The following SHISA9 variants were observed in gnomAD, a reference collection of about 807,000 sequenced individuals.
SHISA9 encodes the protein protein shisa-9.
Under a neutral mutation model 38.0 loss-of-function variants are expected in SHISA9, and 13 were observed. The observed-to-expected ratio is 0.34, with a 90% CI of 0.22 to 0.54. The LOEUF (loss-of-function observed/expected upper bound fraction) is 0.54. SHISA9 is among the 20% of genes least tolerant of loss of function. SHISA9 has a pLI of 0.91. For synonymous variants in SHISA9, 275 were observed against 242.0 expected (o/e 1.14, Z -1.27); for missense variants, 538 against 575.8 (o/e 0.93, Z 0.67).
chr16:13,197,664 A>C (rs1261029809), intron 2 of SHISA9: 1 of 152,202 alleles, frequency 6.6e-6, no homozygotes, highest in Non-Finnish European at 1.5e-5. Flanking sequence ...GTCTGCATGG[A>C]AAAACAGCAT....
At chr16:13,533,636 T>A in the SHISA9 span, among the ~76,000 whole-genome samples, 1 of 151,900 alleles carries the variant, frequency 6.6e-6, no homozygotes, top group African/African-American at 2.4e-5. Flanking sequence ...GGACTGTCTA[T>A]CTAAAGCCAA....
intron 2 of SHISA9, among the ~76,000 whole-genome samples, chr16:13,157,140 T>TCCATCCATCATCCGTCCATCCCC: frequency 6.6e-6 from 1 of 152,126 alleles, no homozygotes; most frequent in African/African-American, 2.4e-5. Context: ...TGTTTATTCA[T>TCCATCCATCATCCGTCCATCCCC]CCATCCATCA....
At chr16:12,983,577 C>T (rs2072268871) in intron 2 of SHISA9, among the ~76,000 whole-genome samples, 1 of 152,190 alleles carries the variant, frequency 6.6e-6, no homozygotes, top group Admixed American at 6.5e-5. Context: ...CAAGCTCTGC[C>T]TCTCAGGTTC....
In SHISA9 at chr16:13,235,368, C is replaced by T; in HGVS notation, c.1234C>T (p.Pro412Ser). ...TRPQHYPPPQ[P>S]YFITNSKTEV... is the part of the protein sequence containing the mutation. ...CCCCCAGCACTACCCACCCCCACAG[C>T]CATACTTCATCACCAACAGCAAAAC... The change falls in exon 5 of 5, where the codon CCA becomes TCA. Residue 412 changes from proline to serine, a missense_variant. Physicochemically the swap from Pro to Ser is moderately conservative, Grantham distance 74 (BLOSUM62 -1). Around this residue, in one of 4 missense-constraint regions of SHISA9, gnomAD observed 326 missense variants for 305.9 expected, o/e 1.07. Transcript: ENST00000558583. The T allele has an allele frequency of 6.5e-7, 1 of 1,540,852 alleles. No homozygotes were observed. The highest frequency in any genetic ancestry group is 1.4e-5 in the African/African-American group (1 of 73,124).
chr16:13,424,700 C>A, the SHISA9 span, among the ~76,000 whole-genome samples: 1 of 152,144 alleles, frequency 6.6e-6, no homozygotes, highest in Admixed American at 6.5e-5. Flanking sequence ...AGCTATTTAA[C>A]TTTCACCTGT....
chr16:13,095,045 T>C (rs575522600), intron 2 of SHISA9, among the ~76,000 whole-genome samples: 3 of 152,338 alleles, frequency 2.0e-5, no homozygotes, highest in Admixed American at 1.3e-4. Flanking sequence ...TCCTCCTTGA[T>C]AGAGAAAACT....
chr16:13,189,517 C>T (rs1056496646), intron 2 of SHISA9, among the ~76,000 whole-genome samples: 1 of 152,164 alleles, frequency 6.6e-6, no homozygotes, highest in Non-Finnish European at 1.5e-5. Context: ...AATTGTTATA[C>T]TTAGAGATAT....
chr16:13,320,212 A>G, the SHISA9 span, among the ~76,000 whole-genome samples: 2 of 142,634 alleles, frequency 1.4e-5, no homozygotes, highest in Non-Finnish European at 3.0e-5. Context: ...AATCGCTTGA[A>G]CCCAGGAGGC....
chr16:13,474,701 A>G, the SHISA9 span, among the ~76,000 whole-genome samples: 1 of 152,236 alleles, frequency 6.6e-6, no homozygotes, highest in African/African-American at 2.4e-5. Context: ...GATAGTGACT[A>G]TTTTAGAGCA....
the SHISA9 span, among the ~76,000 whole-genome samples, chr16:13,498,670 T>C: frequency 2.0e-5 from 3 of 152,102 alleles, no homozygotes; most frequent in Non-Finnish European, 4.4e-5. Flanking sequence ...GGCAGTAGAA[T>C]CACTTGAACA....
At chr16:13,560,184 C>T in the SHISA9 span, among the ~76,000 whole-genome samples, 1 of 152,194 alleles carries the variant, frequency 6.6e-6, no homozygotes, top group South Asian at 2.1e-4. Context: ...CACTAGCAAA[C>T]TGTGTACAGG....
At chr16:12,971,478 T>G (rs544866321) in intron 2 of SHISA9, among the ~76,000 whole-genome samples, 2 of 152,240 alleles carry the variant, frequency 1.3e-5, no homozygotes, top group African/African-American at 2.4e-5. Context: ...GAAGGATGAG[T>G]CAGCCACTGA....
At chr16:13,410,076 A>T in the SHISA9 span, among the ~76,000 whole-genome samples, 3 of 152,200 alleles carry the variant, frequency 2.0e-5, no homozygotes, top group Admixed American at 2.0e-4. Flanking sequence ...CTCCCATAGA[A>T]CTTTCCTTTT....
the SHISA9 span, among the ~76,000 whole-genome samples, chr16:13,382,570 G>T: frequency 6.7e-6 from 1 of 148,930 alleles, no homozygotes; most frequent in South Asian, 2.1e-4. Flanking sequence ...AAAAAAAACA[G>T]GCGTGGTGGC....
At chr16:13,172,809 G>A (rs765422999) in intron 2 of SHISA9, among the ~76,000 whole-genome samples, 16 of 150,830 alleles carry the variant, frequency 1.1e-4, no homozygotes, top group Non-Finnish European at 2.1e-4. Flanking sequence ...GAGAGGAGGC[G>A]GGATTGTAAT....
the SHISA9 span, among the ~76,000 whole-genome samples, chr16:13,286,337 C>T: frequency 6.6e-6 from 1 of 152,154 alleles, no homozygotes; most frequent in East Asian, 1.9e-4. Context: ...TTGACTGAGA[C>T]CTGTCTCAGA....
At chr16:13,119,663 C>T (rs2074066537) in intron 2 of SHISA9, among the ~76,000 whole-genome samples, 2 of 152,138 alleles carry the variant, frequency 1.3e-5, no homozygotes, top group African/African-American at 4.8e-5. Flanking sequence ...GATGTGGCAG[C>T]AGTTTATTTG....
At chr16:13,204,328 A>G (rs1432416092) in intron 3 of SHISA9, among the ~76,000 whole-genome samples, 1 of 152,050 alleles carries the variant, frequency 6.6e-6, no homozygotes, top group Non-Finnish European at 1.5e-5. Flanking sequence ...CTGACCTAGA[A>G]CAAGTTCTAC....
At chr16:13,004,291 A>G (rs1026031906) in intron 2 of SHISA9, among the ~76,000 whole-genome samples, 2 of 152,190 alleles carry the variant, frequency 1.3e-5, no homozygotes, top group Non-Finnish European at 2.9e-5. Context: ...CTCAATAGTG[A>G]GTCTGTGGCA....
Sources: gnomAD v4.1 joint callset for allele counts (sites outside exome capture counted in the v4.1 genomes callset) on GRCh38, gnomAD v4.1.1 for gene constraint, gnomAD v4.1.1 regional missense constraint, MANE v1.5 for transcripts, NCBI Gene and HGNC (gene_info 2026-07-23, HGNC 2026-07-21) for gene names.